ATP8A2: variants seen among roughly 807,000 people sequenced by gnomAD.
ATP8A2 encodes the protein ATPase phospholipid transporting 8A2, also known as phospholipid-transporting ATPase IB.
ATP8A2 carries 100 observed loss-of-function variants against 165.6 expected under a neutral mutation model. The ratio of observed to expected loss-of-function variants is 0.60; its 90% CI spans 0.51 to 0.71. ATP8A2 has a LOEUF of 0.71. Among genes scored for constraint, ATP8A2 ranks in the 30% least tolerant of loss-of-function variants. The pLI, the probability that ATP8A2 is intolerant of heterozygous loss-of-function variation, is 0.00. For missense variants in ATP8A2, 1,227 were observed against 1,479.5 expected, an observed-to-expected ratio of 0.83 and a Z score of 2.80; for synonymous variants, 543 against 548.8, an observed-to-expected ratio of 0.99 and a Z score of 0.15.
At chr13:25,533,779 C>T (rs774313432) in intron 6 of ATP8A2, among the ~76,000 whole-genome samples, 12 of 152,114 alleles carry the variant, frequency 7.9e-5, no homozygotes, top group Non-Finnish European at 1.6e-4. Flanking sequence ...TTTGCTTCCA[C>T]GTCCCTGGAA....
At chr13:25,764,045 G>A (rs2044440197) in intron 25 of ATP8A2, among the ~76,000 whole-genome samples, 1 of 152,146 alleles carries the variant, frequency 6.6e-6, no homozygotes, top group Non-Finnish European at 1.5e-5. Context: ...ATTTCAATAA[G>A]AAAATCCTTT....
intron 27 of ATP8A2, among the ~76,000 whole-genome samples, chr13:25,810,546 A>G (rs1210959953): frequency 4.0e-5 from 6 of 151,350 alleles, no homozygotes; most frequent in South Asian, 2.1e-4. Flanking sequence ...ACAAAACACT[A>G]CTCTATCTCC....
chr13:25,752,470 T>A (rs1248701525), intron 25 of ATP8A2, among the ~76,000 whole-genome samples: 1 of 151,988 alleles, frequency 6.6e-6, no homozygotes, highest in Non-Finnish European at 1.5e-5. Context: ...AAGAAAGAAA[T>A]TTATCTTAAG....
intron 33 of ATP8A2, among the ~76,000 whole-genome samples, chr13:25,914,770 C>T (rs1954219005): frequency 6.6e-6 from 1 of 152,216 alleles, no homozygotes; most frequent in Non-Finnish European, 1.5e-5. Flanking sequence ...CTTAGAGGGG[C>T]TTCGCAGTGC....
intron 1 of ATP8A2, among the ~76,000 whole-genome samples, chr13:25,431,283 G>A (rs992259217): frequency 6.6e-6 from 1 of 152,086 alleles, no homozygotes; most frequent in African/African-American, 2.4e-5. Context: ...CGAGTAGCTG[G>A]GATTAGAGGC....
intron 1 of ATP8A2, among the ~76,000 whole-genome samples, chr13:25,438,715 C>A (rs1329474285): frequency 4.6e-5 from 7 of 152,094 alleles, no homozygotes; most frequent in Non-Finnish European, 7.4e-5. Context: ...ATACAATCCC[C>A]ATCTCCCAGC....
intron 25 of ATP8A2, among the ~76,000 whole-genome samples, chr13:25,767,173 A>G (rs1312785189): frequency 6.6e-6 from 1 of 152,244 alleles, no homozygotes; most frequent in Non-Finnish European, 1.5e-5. Context: ...TGCCTCTGCC[A>G]AAAAGATCAG....
chr13:25,987,208 A>G (rs1458769767), intron 35 of ATP8A2, among the ~76,000 whole-genome samples: 1 of 152,074 alleles, frequency 6.6e-6, no homozygotes, highest in African/African-American at 2.4e-5. Context: ...GCCTCCCATC[A>G]TTGGTTGCCG....
At chr13:25,920,653 C>T (rs1954423412) in intron 33 of ATP8A2, among the ~76,000 whole-genome samples, 2 of 152,232 alleles carry the variant, frequency 1.3e-5, no homozygotes, top group Non-Finnish European at 2.9e-5. Context: ...CCAGGATGCC[C>T]ATGGAGGCCC....
intron 10 of ATP8A2, among the ~76,000 whole-genome samples, chr13:25,546,134 C>T (rs1463579282): frequency 6.6e-6 from 1 of 151,946 alleles, no homozygotes; most frequent in Non-Finnish European, 1.5e-5. Context: ...AGCTTTTGCT[C>T]TAGAAAACCA....
intron 24 of ATP8A2, among the ~76,000 whole-genome samples, chr13:25,690,334 T>C (rs2042697635): frequency 6.6e-6 from 1 of 152,130 alleles, no homozygotes; most frequent in Non-Finnish European, 1.5e-5. Flanking sequence ...ATCTGTCCTC[T>C]AACACTGCAT....
rs537365286 is a variant in ATP8A2, at chr13:25,566,394, C to T, written c.1473+2363C>T. 9.9e-5 allele frequency among the ~76,000 whole-genome samples: 15 copies of T among 152,226 alleles called. No homozygotes were observed. The South Asian group carries it at 3.1e-3, about 32-fold the overall frequency. On this transcript the variant is annotated intron_variant, in intron 16 of 36. Coordinates refer to ENST00000381655, the MANE Select transcript of ATP8A2 (RefSeq NM_016529.6). ...GTCTCTGCAGGAAGGTGGTTTTAAT[C>T]AAAGATGTCAAAGAAACAAGTGTAC...
intron 2 of ATP8A2, among the ~76,000 whole-genome samples, chr13:25,479,939 C>G (rs1259473094): frequency 1.3e-5 from 2 of 152,178 alleles, no homozygotes; most frequent in East Asian, 1.9e-4. Flanking sequence ...CTTTTCCCCA[C>G]CTTTCCCCGC....
At chr13:25,927,298 G>A in intron 33 of ATP8A2, 1 of 447,126 alleles carries the variant, frequency 2.2e-6, no homozygotes, top group South Asian at 1.6e-5. Context: ...AAAGTCCATG[G>A]CTTCTTCATT....
chr13:25,941,575 GA>G (rs1444377358), intron 33 of ATP8A2, among the ~76,000 whole-genome samples: 1 of 152,150 alleles, frequency 6.6e-6, no homozygotes, highest in Non-Finnish European at 1.5e-5. Flanking sequence ...CTCTGCCCTA[GA>G]AGTATCTCCT....
At chr13:25,623,925 A>G (rs150931625) in intron 24 of ATP8A2, among the ~76,000 whole-genome samples, 1 of 152,246 alleles carries the variant, frequency 6.6e-6, no homozygotes, top group East Asian at 1.9e-4. Flanking sequence ...GTGTGCATAT[A>G]TATACATGCA....
In ATP8A2 at chr13:25,753,429, G is replaced by C. The variant is rs144296559; in HGVS notation, c.2385-15617G>C. 1.3e-4 allele frequency among the ~76,000 whole-genome samples: 20 copies of C among 152,300 alleles called. No individual in the cohort carries two copies. The East Asian group carries it at 3.5e-3, about 26-fold the overall frequency. The stretch of plus-strand genomic sequence containing the variant: ...CTCCCTTTGTTGCATACAGTCCTCT[G>C]TTTGCCTTTCTACAGAGTACAGCAA... On this transcript the variant is annotated intron_variant, in intron 25 of 36. Transcript: ENST00000381655.
In ATP8A2 at chr13:25,640,303, A is replaced by G. The variant is rs988845396; in HGVS notation, c.2211+50604A>G. ...ACACAAAAAACCCCTCAAAAAATCAATGAATCCAGGAGCTGGTTTTTTGAA... is the reference window on the plus strand; with the variant it reads ...ACACAAAAAACCCCTCAAAAAATCAGTGAATCCAGGAGCTGGTTTTTTGAA... On this transcript the variant is annotated intron_variant, in intron 24 of 36. Coordinates refer to ENST00000381655, the MANE Select transcript of ATP8A2 (RefSeq NM_016529.6). 3.3e-3 allele frequency among the ~76,000 whole-genome samples: 497 copies of G among 152,276 alleles called. 2 individuals are homozygous for G. The highest frequency in any genetic ancestry group is 0.011 in the African/African-American group (469 of 41,558).
intron 25 of ATP8A2, among the ~76,000 whole-genome samples, chr13:25,703,260 A>G (rs2042987959): frequency 6.6e-6 from 1 of 152,032 alleles, no homozygotes; most frequent in Non-Finnish European, 1.5e-5. Context: ...TTGTATTTTT[A>G]GTAGAGACAG....
Sources: gnomAD v4.1 joint callset for allele counts (sites outside exome capture counted in the v4.1 genomes callset) on GRCh38, gnomAD v4.1.1 for gene constraint, MANE v1.5 for transcripts, NCBI Gene and HGNC (gene_info 2026-07-23, HGNC 2026-07-21) for gene names.